PDE11A: variants seen among roughly 807,000 people sequenced by gnomAD.
PDE11A encodes dual 3',5'-cyclic-AMP and -GMP phosphodiesterase 11A.
A neutral mutation model predicts 100.5 loss-of-function variants in PDE11A; 100 were observed. That is an observed-to-expected ratio of 1.00 (90% confidence interval 0.85 to 1.18). The LOEUF (loss-of-function observed/expected upper bound fraction) is 1.18, where lower values mean the gene tolerates loss of function less well. Ranked by LOEUF, PDE11A falls within the 50% of genes most tolerant of loss-of-function variation. The pLI is 0.00. For missense variants in PDE11A, 1,141 were observed against 1,152.6 expected (o/e 0.99, Z 0.15); for synonymous variants, 381 against 420.8 (o/e 0.91, Z 1.16).
chr2:178,008,296 C>T (rs960079993), intron 2 of PDE11A, among the ~76,000 whole-genome samples: 2 of 152,110 alleles, frequency 1.3e-5, no homozygotes, highest in Non-Finnish European at 2.9e-5. Context: ...CATAAGATGA[C>T]AGAAGAAATC....
intron 4 of PDE11A, among the ~76,000 whole-genome samples, chr2:177,895,690 T>C (rs2084602078): frequency 6.6e-6 from 1 of 152,196 alleles, no homozygotes; most frequent in South Asian, 2.1e-4. Context: ...CACTTATTTC[T>C]AGAATTTAAA....
At chr2:177,800,131 G>T (rs1173912136) in intron 9 of PDE11A, among the ~76,000 whole-genome samples, 3 of 149,984 alleles carry the variant, frequency 2.0e-5, no homozygotes, top group Non-Finnish European at 4.4e-5. Flanking sequence ...CAGAACAAAG[G>T]TTAAAAAAAA....
intron 19 of PDE11A, among the ~76,000 whole-genome samples, chr2:177,657,984 G>T (rs1574104519): frequency 6.6e-6 from 1 of 152,258 alleles, no homozygotes; most frequent in East Asian, 1.9e-4. Flanking sequence ...GGTGAAGGGG[G>T]CTTGCCAAGA....
At chr2:177,944,791 G>C (rs986156681) in intron 2 of PDE11A, among the ~76,000 whole-genome samples, 2 of 130,614 alleles carry the variant, frequency 1.5e-5, no homozygotes, top group African/African-American at 5.2e-5. Flanking sequence ...TGGACAGATA[G>C]AAGATGCGAG....
intron 5 of PDE11A, among the ~76,000 whole-genome samples, chr2:177,852,248 A>G (rs1420805073): frequency 1.3e-5 from 2 of 152,186 alleles, no homozygotes; most frequent in Non-Finnish European, 2.9e-5. Context: ...CTATTTTCTC[A>G]TTACCAAGGA....
chr2:177,875,869 C>G lies in PDE11A; in HGVS notation c.1357G>C (p.Ala453Pro), dbSNP rs142247133. The G allele has an allele frequency of 1.2e-4, 197 of 1,610,058 alleles. No homozygotes were observed. The African/African-American group carries it at 2.4e-3, about 20-fold the overall frequency. The change falls in exon 5 of 20, where the codon GCT (alanine) becomes CCT (proline). Residue 453 changes from alanine to proline, a missense_variant. By Grantham distance (27) the Ala-to-Pro change is conservative. Transcript: ENST00000286063. ...CCCCACAAGCCCTACCTGTTCTCAGCATCAGCACTGCACTTTGGGGACATC... is the reference window on the plus strand; with the variant it reads ...CCCCACAAGCCCTACCTGTTCTCAGGATCAGCACTGCACTTTGGGGACATC... ...ELMSPKCSAD[A>P]ENSFKESMEK...
chr2:177,838,075 G>A (rs2083433596), intron 6 of PDE11A, among the ~76,000 whole-genome samples: 1 of 152,024 alleles, frequency 6.6e-6, no homozygotes, highest in African/African-American at 2.4e-5. Context: ...AATTTCTGAT[G>A]GCCTGTGACT....
chr2:177,859,362 A>T (rs2083903357), intron 5 of PDE11A, among the ~76,000 whole-genome samples: 1 of 151,956 alleles, frequency 6.6e-6, no homozygotes, highest in South Asian at 2.1e-4. Context: ...TGGTTAATGG[A>T]TAACAAAATG....
intron 10 of PDE11A, among the ~76,000 whole-genome samples, chr2:177,752,668 A>G (rs567105753): frequency 6.6e-6 from 1 of 152,370 alleles, no homozygotes; most frequent in South Asian, 2.1e-4. Flanking sequence ...TCATCAATGT[A>G]TTGCTTTAGT....
At chr2:178,038,389 C>T (rs969947494) in intron 1 of PDE11A, among the ~76,000 whole-genome samples, 1 of 151,222 alleles carries the variant, frequency 6.6e-6, no homozygotes, top group African/African-American at 2.4e-5. Context: ...ATGCAGTATG[C>T]ATTCTTGTCT....
chr2:177,669,454 CA>C, intron 18 of PDE11A, 38 bp downstream of exon 18: 1 of 855,750 alleles, frequency 1.2e-6, no homozygotes, highest in Non-Finnish European at 2.0e-6. Flanking sequence ...AAATGTCATT[CA>C]AAAGGGTAAA....
chr2:177,940,062 C>T (rs1361203962), intron 2 of PDE11A, among the ~76,000 whole-genome samples: 2 of 151,854 alleles, frequency 1.3e-5, no homozygotes, highest in Admixed American at 6.6e-5. Flanking sequence ...AGTTGAATGA[C>T]GTTTGAAATT....
intron 15 of PDE11A, among the ~76,000 whole-genome samples, chr2:177,693,716 T>C (rs776898435): frequency 6.6e-6 from 1 of 152,120 alleles, no homozygotes; most frequent in African/African-American, 2.4e-5. Context: ...GAGGGAAGCA[T>C]GGTGATTGAA....
intron 15 of PDE11A, among the ~76,000 whole-genome samples, chr2:177,690,440 G>C (rs2081025805): frequency 6.6e-6 from 1 of 152,194 alleles, no homozygotes; most frequent in Non-Finnish European, 1.5e-5. Context: ...ATAAACTTTT[G>C]TTGAATGATG....
At chr2:177,879,282 T>A (rs1199967014) in intron 4 of PDE11A, among the ~76,000 whole-genome samples, 1 of 152,214 alleles carries the variant, frequency 6.6e-6, no homozygotes, top group African/African-American at 2.4e-5. Context: ...AATCTAGCAA[T>A]CTTATGCTGG....
chr2:177,697,732 T>G (rs1354416998), intron 14 of PDE11A, among the ~76,000 whole-genome samples: 1 of 152,178 alleles, frequency 6.6e-6, no homozygotes, highest in Non-Finnish European at 1.5e-5. Flanking sequence ...TCCATCTGAC[T>G]ACCCATTTCC....
intron 2 of PDE11A, among the ~76,000 whole-genome samples, chr2:177,939,518 AG>A (rs1414519885): frequency 4.5e-5 from 3 of 66,470 alleles, no homozygotes; most frequent in Non-Finnish European, 8.9e-5. Flanking sequence ...GAGGGAGGGA[AG>A]GGAGGGAGGG....
At chr2:177,812,599 T>G (rs551979787) in intron 9 of PDE11A, among the ~76,000 whole-genome samples, 2 of 152,066 alleles carry the variant, frequency 1.3e-5, no homozygotes, top group African/African-American at 2.4e-5. Flanking sequence ...AAGCTAGATA[T>G]GAGCAGGAGG....
chr2:177,699,618 T>C (rs1301981885), intron 14 of PDE11A, among the ~76,000 whole-genome samples: 1 of 152,180 alleles, frequency 6.6e-6, no homozygotes, highest in Non-Finnish European at 1.5e-5. Context: ...GTGGTGAGTG[T>C]GGTGTTAATG....
Sources: gnomAD v4.1 joint callset for allele counts (sites outside exome capture counted in the v4.1 genomes callset) on GRCh38, gnomAD v4.1.1 for gene constraint, MANE v1.5 for transcripts, NCBI Gene and HGNC (gene_info 2026-07-23, HGNC 2026-07-21) for gene names.